Variants in ING5 observed in about 807,000 individuals in gnomAD.
The protein encoded by ING5 is inhibitor of growth protein 5.
Under a neutral mutation model 37.4 loss-of-function variants are expected in ING5, and 17 were observed. The ratio of observed to expected loss-of-function variants is 0.45; its 90% confidence interval spans 0.31 to 0.68. ING5 has a LOEUF of 0.68. ING5 is among the 30% of genes least tolerant of loss of function. The probability of loss-of-function intolerance (pLI) is 0.05; values close to 1 mark genes in which losing one functional copy is unlikely to be tolerated. For missense variants in ING5, 233 were observed against 311.9 expected (o/e 0.75, Z 1.91); for synonymous variants, 123 against 116.6 (o/e 1.06, Z -0.36).
Position 241,723,202 on chromosome 2 carries a change from C to T in ING5, c.619-8C>T, listed in dbSNP as rs1020737160. On this transcript the variant is annotated splice_region_variant and splice_polypyrimidine_tract_variant and intron_variant, in intron 6 of 7. Transcript: ENST00000313552. ...GTGTTGACTGCGGTTTCTCCCTTTA[C>T]TTTGCAGTGTCCAATTGAGTGGTTT... 6.2e-7 allele frequency: 1 copy of T among 1,614,242 alleles called. No individual in the cohort carries two copies.
Position 241,693,252 on chromosome 2 carries a change from CA to C in ING5, c.43+2619del, listed in dbSNP as rs748452347. Among the ~76,000 whole-genome samples the C allele has an allele frequency of 5.5e-3, 325 of 59,342 alleles. 4 individuals carry two copies. Among genetic ancestry groups the C allele is most frequent in the East Asian group, 0.034 (80 of 2,378 alleles). The allele number at this position is 59,342 out of a possible 152,430, so 38.9% of individuals were successfully genotyped here. ...CCTGGGCGACAGGGCGAGACTGTCT[CA>C]AAAAAAAAAAAAAAAAAAAGCAAAG... On this transcript the variant is annotated intron_variant, in intron 2 of 7. Transcript: ENST00000636051.
At chr2:241,708,454 G>T (rs768161078) in intron 2 of ING5, among the ~76,000 whole-genome samples, 2 of 151,960 alleles carry the variant, frequency 1.3e-5, no homozygotes, top group African/African-American at 2.4e-5. Context: ...TGATCTGCCC[G>T]CCTCGGCCTC....
At chr2:241,710,475 T>G (rs866369710) in intron 3 of ING5, among the ~76,000 whole-genome samples, 25 of 151,628 alleles carry the variant, frequency 1.6e-4, no homozygotes, top group Admixed American at 1.3e-4. Context: ...GGCTAATTTT[T>G]GTTTTTGGTT....
chr2:241,724,918 G>T, intron 7 of ING5, 71 bp from the exon 8 acceptor site: 1 of 1,462,234 alleles, frequency 6.8e-7, no homozygotes, highest in East Asian at 2.4e-5. Context: ...GACATGGGGA[G>T]GCGGGCCCTG....
At position 241,728,962 on chromosome 2, in the gene ING5, G is replaced by T. The variant is rs1053827296; in HGVS notation, c.*3931G>T. 1 of 152,260 alleles carries T rather than the reference G, an allele frequency of 6.6e-6. No homozygotes were observed. The highest frequency in any genetic ancestry group is 2.4e-5 in the African/African-American group (1 of 41,466). 9.4% of individuals were successfully genotyped at this position (152,260 alleles called of 1,614,324 possible). A position where few individuals can be genotyped will look rare whatever the true frequency, so the allele number is the denominator to read the frequency against. On this transcript the variant is annotated 3_prime_UTR_variant, in exon 8 of 8. Coordinates refer to ENST00000313552, the MANE Select transcript of ING5 (RefSeq NM_032329.6). ...TTGGCCTCCTGTCCTGTCGTTGGGA[G>T]CCCTGGCTGGGGCTGCTTTGAGCAA...
At chr2:241,689,428 G>A (rs892746666) in intron 1 of ING5, among the ~76,000 whole-genome samples, 6 of 152,112 alleles carry the variant, frequency 3.9e-5, no homozygotes, top group African/African-American at 1.2e-4. Context: ...CTTCCTTTAC[G>A]TCAAGCTTAG....
intron 5 of ING5, among the ~76,000 whole-genome samples, chr2:241,713,164 C>A (rs1399259053): frequency 6.7e-6 from 1 of 150,148 alleles, no homozygotes; most frequent in African/African-American, 2.5e-5. Flanking sequence ...TCAAGCGATT[C>A]TCCTGCCTCA....
At chr2:241,708,571 T>C (rs2069998384) in intron 2 of ING5, among the ~76,000 whole-genome samples, 1 of 152,214 alleles carries the variant, frequency 6.6e-6, no homozygotes, top group Admixed American at 6.5e-5. Flanking sequence ...TTCATATTAA[T>C]GGAATCATCC....
chr2:241,720,362 C>G lies in ING5; in HGVS notation c.483-2577C>G, dbSNP rs543768142. ...GTTCCCTGCTGGGGACCCAGGCGCA[C>G]GCACCATCCTGTCCCTGTGGACTGC... is the stretch of plus-strand genomic sequence containing the variant. On this transcript the variant is annotated intron_variant, in intron 5 of 7. Transcript: ENST00000313552. 9.0e-5 allele frequency: 107 copies of G among 1,192,190 alleles called. No homozygotes were observed. The South Asian group carries it at 1.3e-3, about 15-fold the overall frequency. The allele number at this position is 1,192,190 out of a possible 1,614,324, so 73.9% of individuals were successfully genotyped here.
chr2:241,721,991 C>T (rs539011363), intron 5 of ING5: 61 of 985,160 alleles, frequency 6.2e-5, no homozygotes, highest in Admixed American at 4.3e-4. Flanking sequence ...GGTGTGTGGT[C>T]GGAAGGGGCC....
intron 5 of ING5, among the ~76,000 whole-genome samples, chr2:241,714,598 C>CT (rs745387056): frequency 0.011 from 1,556 of 144,272 alleles, 28 homozygotes; most frequent in African/African-American, 0.036. Context: ...TGTCTTGATC[C>CT]TTTTTTTTTT....
rs188422909 is a variant in ING5, at chr2:241,715,767, G to A, written c.482+3696G>A. Among the ~76,000 whole-genome samples, 125 of 149,756 alleles carry A rather than the reference G, an allele frequency of 8.3e-4. 4 individuals are homozygous for A. The highest frequency in any genetic ancestry group is 6.6e-3 in the South Asian group (31 of 4,702). The stretch of plus-strand genomic sequence containing the variant: ...CTCCCAACATACTGGGATTACAGGC[G>A]TGAGCCACCGCACCTGACCTAGAAT... On this transcript the variant is annotated intron_variant, in intron 5 of 7. Coordinates refer to ENST00000313552, the MANE Select transcript of ING5 (RefSeq NM_032329.6).
At chr2:241,719,943 T>C in intron 5 of ING5, 1 of 1,284,692 alleles carries the variant, frequency 7.8e-7, no homozygotes, top group Non-Finnish European at 9.8e-7. Flanking sequence ...ATCTAGCTTG[T>C]GTGTGAATCT....
chr2:241,701,983 A>T, upstream of ING5: 1 of 1,014,660 alleles, frequency 9.9e-7, no homozygotes, highest in Non-Finnish European at 1.3e-6. Context: ...ACTCATGAAT[A>T]GTGAGCGCGC....
At chr2:241,722,685 G>A (rs982375818) in intron 5 of ING5, 3 of 985,320 alleles carry the variant, frequency 3.0e-6, no homozygotes, top group Admixed American at 6.1e-5. Context: ...CACAAGGTGT[G>A]TATTCAGTTA....
intron 4 of ING5, 78 bp from the exon 5 acceptor site, chr2:241,711,899 CT>C: frequency 7.5e-7 from 1 of 1,328,676 alleles, no homozygotes; most frequent in Non-Finnish European, 1.0e-6. Context: ...AGCGAGACCC[CT>C]TTTTAAAAAC....
At chr2:241,721,721 C>G in intron 5 of ING5, 1 of 985,354 alleles carries the variant, frequency 1.0e-6, no homozygotes, top group Non-Finnish European at 1.2e-6. Flanking sequence ...TCTTTCTGTA[C>G]TAATGGGAAT....
chr2:241,720,401 G>A (rs1157276723), intron 5 of ING5: 1 of 1,148,222 alleles, frequency 8.7e-7, no homozygotes, highest in Non-Finnish European at 1.1e-6. Context: ...CTTCAGGCCT[G>A]TTCCCCACGT....
intron 2 of ING5, among the ~76,000 whole-genome samples, chr2:241,693,310 G>T (rs556034027): frequency 7.3e-5 from 11 of 149,766 alleles, no homozygotes; most frequent in Admixed American, 2.0e-4. Context: ...AAACAGTCAC[G>T]TTGGGGGTCA....
Sources: allele counts gnomAD v4.1 joint callset (sites outside exome capture counted in the v4.1 genomes callset), GRCh38; gene constraint gnomAD v4.1.1; transcripts MANE v1.5; gene names NCBI Gene and HGNC (gene_info 2026-07-23, HGNC 2026-07-21).